RFLNA: variants seen among roughly 807,000 people sequenced by gnomAD.
RFLNA encodes refilin-A.
Under a neutral mutation model 7.8 loss-of-function variants are expected in RFLNA, and 5 were observed. That is an observed-to-expected ratio of 0.64 (90% CI 0.34 to 1.35). RFLNA has a LOEUF of 1.35. Among genes scored for constraint, RFLNA ranks in the 40% most tolerant of loss-of-function variants. The probability of loss-of-function intolerance (pLI) is 0.04; values close to 1 mark genes in which losing one functional copy is unlikely to be tolerated. For missense variants in RFLNA, 278 were observed against 305.5 expected (o/e 0.91, Z 0.67); for synonymous variants, 141 against 131.3 (o/e 1.07, Z -0.50).
At chr12:124,300,816 ACAGAAGAATGGG>A (rs1229107641) in intron 1 of RFLNA, among the ~76,000 whole-genome samples, 3 of 145,830 alleles carry the variant, frequency 2.1e-5, no homozygotes, top group South Asian at 2.2e-4. Context: ...GGATGGATGG[ACAGAAGAATGGG>A]TGGATGGATG....
intron 2 of RFLNA, among the ~76,000 whole-genome samples, chr12:124,312,483 G>T (rs1242466132): frequency 1.3e-5 from 2 of 151,928 alleles, no homozygotes; most frequent in Non-Finnish European, 1.5e-5. Flanking sequence ...GCTAATTTTT[G>T]TATTTTTTGT....
chr12:124,307,570 T>C (rs1019763239), intron 1 of RFLNA, among the ~76,000 whole-genome samples: 3 of 152,122 alleles, frequency 2.0e-5, no homozygotes, highest in Admixed American at 2.0e-4. Flanking sequence ...CATAAACTGG[T>C]TTCACAAGAT....
intron 1 of RFLNA, among the ~76,000 whole-genome samples, chr12:124,299,609 G>A (rs1173729294): frequency 6.6e-6 from 1 of 152,176 alleles, no homozygotes; most frequent in African/African-American, 2.4e-5. Flanking sequence ...ACAGTGTTTG[G>A]TTTTCCATTC....
intron 1 of RFLNA, among the ~76,000 whole-genome samples, chr12:124,309,814 G>A (rs771740431): frequency 1.3e-5 from 2 of 152,162 alleles, no homozygotes; most frequent in African/African-American, 2.4e-5. Context: ...TGTTCCCAAC[G>A]GGTTGGCGGT....
chr12:124,306,232 G>A lies in RFLNA; in HGVS notation c.208-5586G>A, dbSNP rs1335342430. Among the ~76,000 whole-genome samples, 1 of 152,166 alleles carries A rather than the reference G, an allele frequency of 6.6e-6. No homozygotes were observed. The highest frequency in any genetic ancestry group is 1.5e-5 in the Non-Finnish European group (1 of 68,024). On this transcript the variant is annotated intron_variant, in intron 1 of 2. Coordinates refer to ENST00000546355, the MANE Select transcript of RFLNA (RefSeq NM_001365156.1). This position sits in a 1 kb window ranked among gnomAD's most constrained non-coding sequence, Gnocchi z 5.2. ...GCCTTAGGGAGCTGCTTCTCTGGGG[G>A]TGACAGACACGCAAAGGGGTTATCG...
chr12:124,294,143 G>A (rs145477869), upstream of RFLNA, among the ~76,000 whole-genome samples: 423 of 152,300 alleles, frequency 2.8e-3, 1 homozygote, highest in African/African-American at 9.6e-3. Context: ...CCTCAGTTTG[G>A]GGGTGTCCAA....
At chr12:124,299,514 C>G (rs1282501667) in intron 1 of RFLNA, among the ~76,000 whole-genome samples, 1 of 152,238 alleles carries the variant, frequency 6.6e-6, no homozygotes, top group Non-Finnish European at 1.5e-5. Flanking sequence ...TCTTCCCACC[C>G]TTTCCCCTGA....
chr12:124,296,586 G>A (rs1023346203), intron 1 of RFLNA, among the ~76,000 whole-genome samples: 3 of 152,094 alleles, frequency 2.0e-5, no homozygotes, highest in African/African-American at 7.2e-5. Flanking sequence ...GGGGATTCTT[G>A]CCTGGCACTC....
chr12:124,308,906 C>T (rs1016962539), intron 1 of RFLNA, among the ~76,000 whole-genome samples: 3 of 152,230 alleles, frequency 2.0e-5, no homozygotes, highest in African/African-American at 4.8e-5. Flanking sequence ...TGACAGTGAG[C>T]GTGTTCTGGA....
Position 124,295,363 on chromosome 12 carries a change from C to G in RFLNA, c.-67C>G, listed in dbSNP as rs1368483591. Reference sequence around the variant, plus strand: ...GCTCTCGCCCCGCCGCCGCCTGCCCCGGGCCCCGGAGCGCGGTGGAGAAGC... The same window carrying G: ...GCTCTCGCCCCGCCGCCGCCTGCCCGGGGCCCCGGAGCGCGGTGGAGAAGC... On this transcript the variant is annotated 5_prime_UTR_variant, in exon 1 of 3. Coordinates refer to ENST00000546355, the MANE Select transcript of RFLNA (RefSeq NM_001365156.1). The G allele has an allele frequency of 6.0e-6, 6 of 1,006,444 alleles. No individual in the cohort carries two copies. The highest frequency in any genetic ancestry group is 7.6e-6 in the Non-Finnish European group (6 of 787,026). The allele number at this position is 1,006,444 out of a possible 1,614,324, so 62.3% of individuals were successfully genotyped here.
intron 1 of RFLNA, among the ~76,000 whole-genome samples, chr12:124,304,047 C>T (rs963511347): frequency 7.2e-5 from 11 of 152,254 alleles, no homozygotes; most frequent in Non-Finnish European, 1.3e-4. Flanking sequence ...GCTGGAAAGT[C>T]GGACTTCAGG....
intron 1 of RFLNA, among the ~76,000 whole-genome samples, chr12:124,300,796 ATG>A (rs1566322952): frequency 4.0e-4 from 60 of 150,600 alleles, no homozygotes; most frequent in African/African-American, 1.4e-3. Context: ...GGATGGATGG[ATG>A]GATGGATGGA....
chr12:124,306,911 C>T lies in RFLNA; in HGVS notation c.208-4907C>T, dbSNP rs2034146619. ...ATGTCCACCCTCCACTCCCTCTGCC[C>T]GAGGCCGGTGTGCATGTGGTCACCA... On this transcript the variant is annotated intron_variant, in intron 1 of 2. Transcript: ENST00000546355. This position sits in a 1 kb window ranked among gnomAD's most constrained non-coding sequence, Gnocchi z 5.2. 6.6e-6 allele frequency among the ~76,000 whole-genome samples: 1 copy of T among 152,132 alleles called. No homozygotes were observed. The highest frequency in any genetic ancestry group is 2.1e-4 in the South Asian group (1 of 4,834).
At chr12:124,307,450 C>T (rs2034155527) in intron 1 of RFLNA, among the ~76,000 whole-genome samples, 1 of 152,256 alleles carries the variant, frequency 6.6e-6, no homozygotes, top group African/African-American at 2.4e-5. Context: ...GGCAGTCACA[C>T]TCCTGCGCCC....
chr12:124,312,415 ATCC>A (rs1277850110), intron 2 of RFLNA, among the ~76,000 whole-genome samples: 1 of 151,732 alleles, frequency 6.6e-6, no homozygotes, highest in Admixed American at 6.6e-5. Context: ...GGCTTAAGCA[ATCC>A]TCCTACCTCA....
Position 124,314,449 on chromosome 12 carries a change from G to T in RFLNA, c.575G>T (p.Arg192Leu). ...TLHCSLGRPSRWFTASVQLQL... is the reference protein window; with the variant it reads ...TLHCSLGRPSLWFTASVQLQL... ...CACTGCAGCCTGGGCCGGCCCAGCC[G>T]CTGGTTCACCGCCAGCGTGCAGCTG... Residue 192 changes from arginine to leucine, a missense_variant, in exon 3 of 3, where the codon CGC (arginine) becomes CTC (leucine). Physicochemically the swap from Arg to Leu is moderately radical, Grantham distance 102 (BLOSUM62 -2). Transcript: ENST00000546355. 5 of 1,601,578 alleles carry T rather than the reference G, an allele frequency of 3.1e-6. No individual in the cohort carries two copies. Among genetic ancestry groups the T allele is most frequent in the Non-Finnish European group, 4.2e-6 (5 of 1,179,634 alleles).
At chr12:124,307,070 C>T (rs776670734) in intron 1 of RFLNA, among the ~76,000 whole-genome samples, 6 of 152,232 alleles carry the variant, frequency 3.9e-5, no homozygotes, top group East Asian at 1.9e-4. Flanking sequence ...AGCATCACCA[C>T]GCACTAGACG....
Position 124,289,597 on chromosome 12 carries a change from G to A in RFLNA, c.-37+227G>A, listed in dbSNP as rs1358235475. ...CCGCTTCCCTGTCTTAGTAGGGCAG[G>A]TGGTCAAGAGCTGGTTTTATGAGTG... On this transcript the variant is annotated intron_variant, in intron 1 of 2. Transcript: ENST00000324038. This position sits in a 1 kb window ranked among gnomAD's most constrained non-coding sequence, Gnocchi z 5.0. 2.0e-5 allele frequency among the ~76,000 whole-genome samples: 3 copies of A among 152,230 alleles called. No homozygotes were observed. Among genetic ancestry groups the A allele is most frequent in the Non-Finnish European group, 4.4e-5 (3 of 68,046 alleles).
At chr12:124,290,690 G>A (rs1389094421), upstream of RFLNA, among the ~76,000 whole-genome samples, 1 of 152,196 alleles carries the variant, frequency 6.6e-6, no homozygotes. The surrounding 1 kb of genome is among the most constrained non-coding windows in gnomAD (Gnocchi z 4.0). Flanking sequence ...CATGAGGTGT[G>A]GTGATGAGAG....
Sources: allele counts gnomAD v4.1 joint callset (sites outside exome capture counted in the v4.1 genomes callset), GRCh38; gene constraint gnomAD v4.1.1; non-coding constraint Gnocchi (gnomAD v3.1); transcripts MANE v1.5; gene names NCBI Gene and HGNC (gene_info 2026-07-23, HGNC 2026-07-21).